The following NDC1 variants were observed in gnomAD, a reference collection of about 807,000 sequenced individuals.
NDC1 encodes the protein NDC1 transmembrane nucleoporin, also known as nucleoporin NDC1.
In NDC1, 24 loss-of-function variants were observed where a neutral mutation model predicts 89.8. The observed-to-expected ratio is 0.27, with a 90% CI of 0.19 to 0.38. The LOEUF is 0.38. Among genes scored for constraint, NDC1 ranks in the 10% least tolerant of loss-of-function variants. The pLI is 1.00. For missense variants in NDC1, 728 were observed against 797.6 expected, an observed-to-expected ratio of 0.91 and a Z score of 1.05; for synonymous variants, 296 against 284.8, an observed-to-expected ratio of 1.04 and a Z score of -0.39.
chr1:53,826,328 T>C (rs1352805075), intron 4 of NDC1, among the ~76,000 whole-genome samples: 1 of 152,260 alleles, frequency 6.6e-6, no homozygotes, highest in Non-Finnish European at 1.5e-5. Flanking sequence ...GGGGATCCTG[T>C]GCCCATAAAA....
chr1:53,800,978 C>A, intron 10 of NDC1, 130 bp from the exon 11 acceptor site: 1 of 697,342 alleles, frequency 1.4e-6, no homozygotes, highest in South Asian at 2.1e-5. Context: ...AGTGAAGCTA[C>A]TATTTATACT....
intron 16 of NDC1, 28 bp downstream of exon 16, chr1:53,787,130 A>G (rs1277589838): frequency 4.0e-6 from 5 of 1,245,720 alleles, no homozygotes; most frequent in Admixed American, 1.8e-5. Context: ...GATGACCTCT[A>G]CCCCCTCCCA....
chr1:53,784,271 C>A (rs920040772), intron 16 of NDC1, among the ~76,000 whole-genome samples: 4 of 151,852 alleles, frequency 2.6e-5, no homozygotes, highest in African/African-American at 9.7e-5. Flanking sequence ...TATTTTGAGT[C>A]TAATGTAAAT....
Position 53,832,520 on chromosome 1 carries a change from T to C in NDC1, c.250A>G (p.Ile84Val). Residue 84 changes from isoleucine to valine, a missense_variant, in exon 3 of 18, where the codon ATA becomes GTA. By Grantham distance (29) the Ile-to-Val change is conservative (BLOSUM62 3). Transcript: ENST00000371429. ...TAGAACTCCACATTGAAAATACTTA[T>C]TATTATTATTACCACTGACAGCAGC... The part of the protein sequence containing the change: ...FLLLSVVIII[I>V]SIFNVEFYAV... The C allele has an allele frequency of 1.9e-6, 3 of 1,593,414 alleles. No individual in the cohort carries two copies. The highest frequency in any genetic ancestry group is 1.1e-5 in the South Asian group (1 of 90,576).
rs111678724 is a variant in NDC1, at chr1:53,817,457, A to G, written c.703+1514T>C. On this transcript the variant is annotated intron_variant, in intron 6 of 17. Transcript: ENST00000371429. The stretch of plus-strand genomic sequence containing the variant: ...ACTGAGGATGCAAAGGCATAAGAAT[A>G]ATACAATGGACTTTGGGGACTTGCA... Among the ~76,000 whole-genome samples, 283 of 152,300 alleles carry G rather than the reference A, an allele frequency of 1.9e-3. 1 individual carries two copies. Among genetic ancestry groups the G allele is most frequent in the African/African-American group, 6.5e-3 (272 of 41,576 alleles).
At chr1:53,818,939 A>T in intron 6 of NDC1, 32 bp downstream of exon 6, 2 of 971,616 alleles carry the variant, frequency 2.1e-6, no homozygotes, top group Non-Finnish European at 3.2e-6. Context: ...ATGAGATAAT[A>T]TATCACTGTA....
At chr1:53,775,905 G>A (rs1647158829) in intron 16 of NDC1, among the ~76,000 whole-genome samples, 1 of 150,912 alleles carries the variant, frequency 6.6e-6, no homozygotes, top group South Asian at 2.1e-4. Flanking sequence ...TTGAGTTTCA[G>A]GAAAATATAT....
At chr1:53,797,999 T>A (rs1052756844) in intron 11 of NDC1, among the ~76,000 whole-genome samples, 1 of 152,050 alleles carries the variant, frequency 6.6e-6, no homozygotes, top group African/African-American at 2.4e-5. Flanking sequence ...ATCTGATCTG[T>A]AAACAGCTTT....
rs114513162 is a variant in NDC1 at position 53,806,254 on chromosome 1, G to A, written c.984+171C>T. On this transcript the variant is annotated intron_variant, in intron 9 of 17. Coordinates refer to ENST00000371429, the MANE Select transcript of NDC1 (RefSeq NM_018087.5). Reference sequence around the variant, plus strand: ...TGTGCACTTGCATTTTAGTCACTTGGAAAGAAAATTGAAAAAATAAACAGC... The same window carrying A: ...TGTGCACTTGCATTTTAGTCACTTGAAAAGAAAATTGAAAAAATAAACAGC... Among the ~76,000 whole-genome samples, 731 of 152,176 alleles carry A rather than the reference G, an allele frequency of 4.8e-3. 5 individuals are homozygous for A. The highest frequency in any genetic ancestry group is 0.017 in the African/African-American group (708 of 41,512).
intron 16 of NDC1, among the ~76,000 whole-genome samples, chr1:53,778,236 T>C (rs1311087716): frequency 4.7e-5 from 7 of 148,460 alleles, no homozygotes; most frequent in African/African-American, 1.5e-4. Flanking sequence ...GAATGTAATA[T>C]AGTATATGAT....
At chr1:53,814,968 A>G (rs542056655) in intron 6 of NDC1, among the ~76,000 whole-genome samples, 1 of 152,328 alleles carries the variant, frequency 6.6e-6, no homozygotes, top group South Asian at 2.1e-4. Context: ...TAATTTTAAA[A>G]TTACCAACAA....
chr1:53,782,095 CA>C (rs1647214756), intron 16 of NDC1, among the ~76,000 whole-genome samples: 1 of 151,828 alleles, frequency 6.6e-6, no homozygotes, highest in African/African-American at 2.4e-5. Context: ...AGAGTCAGAC[CA>C]AAGGAGAAAA....
At chr1:53,773,280 C>T (rs1647134835) in intron 16 of NDC1, among the ~76,000 whole-genome samples, 1 of 152,070 alleles carries the variant, frequency 6.6e-6, no homozygotes, top group Non-Finnish European at 1.5e-5. Flanking sequence ...AATGTAACCA[C>T]CAAAAGAACT....
chr1:53,789,253 T>G lies in NDC1; in HGVS notation c.1636-57A>C. ...TTCCCCTGAGCAAAAACTCCATTAT[T>G]TCCTTTAATTAAATATGTAGACCAC... On this transcript the variant is annotated intron_variant, in intron 14 of 17. Coordinates refer to ENST00000371429, the MANE Select transcript of NDC1 (RefSeq NM_018087.5). The G allele has an allele frequency of 4.6e-6, 5 of 1,089,246 alleles. No homozygotes were observed. The South Asian group carries it at 6.9e-5, about 15-fold the overall frequency. The allele number at this position is 1,089,246 out of a possible 1,614,324, so 67.5% of individuals were successfully genotyped here. A position where few individuals can be genotyped will look rare whatever the true frequency, so the allele number is the denominator to read the frequency against.
intron 16 of NDC1, among the ~76,000 whole-genome samples, chr1:53,779,119 C>CAAAAAAAAA (rs11412563): frequency 1.8e-5 from 1 of 55,524 alleles, no homozygotes; most frequent in Non-Finnish European, 3.5e-5. Flanking sequence ...GACTCTGTCG[C>CAAAAAAAAA]AAAAAAAAAA....
At chr1:53,823,869 T>C (rs2100685583) in intron 5 of NDC1, among the ~76,000 whole-genome samples, 1 of 152,280 alleles carries the variant, frequency 6.6e-6, no homozygotes, top group African/African-American at 2.4e-5. Flanking sequence ...ACCATCTCCC[T>C]GCTGTGTGTG....
intron 14 of NDC1, among the ~76,000 whole-genome samples, chr1:53,792,774 T>C (rs1647564363): frequency 6.6e-6 from 1 of 152,190 alleles, no homozygotes; most frequent in Non-Finnish European, 1.5e-5. Context: ...GATACACAAG[T>C]TGGGAAGTCA....
intron 5 of NDC1, among the ~76,000 whole-genome samples, chr1:53,823,821 A>G (rs1421564418): frequency 6.6e-6 from 1 of 152,076 alleles, no homozygotes; most frequent in East Asian, 1.9e-4. Flanking sequence ...ATACACTCAG[A>G]TTGCAGGGAG....
Position 53,828,197 on chromosome 1 carries a change from G to A in NDC1, c.281-24C>T, listed in dbSNP as rs748317956. The A allele has an allele frequency of 5.6e-6, 9 of 1,609,016 alleles. No homozygotes were observed. In the Admixed American group the frequency reaches 1.2e-4, roughly 21 times the overall value. On this transcript the variant is annotated intron_variant, in intron 3 of 17. Transcript: ENST00000371429. ...AACTGCAAAGGAAACACATTACTGT[G>A]GCTTTATAACCTACAGCATATGCAG...
Sources: gnomAD v4.1 joint callset for allele counts (sites outside exome capture counted in the v4.1 genomes callset) on GRCh38, gnomAD v4.1.1 for gene constraint, MANE v1.5 for transcripts, NCBI Gene and HGNC (gene_info 2026-07-23, HGNC 2026-07-21) for gene names.